DPP6: variants seen among roughly 807,000 people sequenced by gnomAD.
DPP6 encodes the protein A-type potassium channel modulatory protein DPP6.
Under a neutral mutation model 122.6 loss-of-function variants are expected in DPP6, and 69 were observed. That is an observed-to-expected ratio of 0.56 (90% CI 0.46 to 0.69). The LOEUF (loss-of-function observed/expected upper bound fraction) is 0.69. Among genes scored for constraint, DPP6 ranks in the 30% least tolerant of loss-of-function variants. The pLI, the probability that DPP6 is intolerant of heterozygous loss-of-function variation, is 0.00. For missense variants in DPP6, 928 were observed against 1,116.9 expected (o/e 0.83, Z 2.41); for synonymous variants, 418 against 433.1 (o/e 0.97, Z 0.43).
At chr7:154,011,772 G>T (rs1798166741) in intron 1 of DPP6, among the ~76,000 whole-genome samples, 1 of 152,168 alleles carries the variant, frequency 6.6e-6, no homozygotes, top group African/African-American at 2.4e-5. Context: ...GTATTCTTGA[G>T]ATGAATAACA....
intron 1 of DPP6, among the ~76,000 whole-genome samples, chr7:153,986,065 C>A (rs1011389285): frequency 1.3e-5 from 2 of 151,962 alleles, no homozygotes; most frequent in African/African-American, 2.4e-5. Flanking sequence ...CGTTCAGGGT[C>A]GTATGGCTGT....
intron 1 of DPP6, among the ~76,000 whole-genome samples, chr7:154,324,809 G>C (rs1269006025): frequency 6.6e-6 from 1 of 151,854 alleles, no homozygotes; most frequent in Non-Finnish European, 1.5e-5. Flanking sequence ...CAAACTCTTA[G>C]GATGGGATTT....
chr7:154,060,232 A>G (rs1403251818), intron 1 of DPP6, among the ~76,000 whole-genome samples: 15 of 124,880 alleles, frequency 1.2e-4, no homozygotes, highest in African/African-American at 4.2e-4. Context: ...CTTTGCTCTT[A>G]GGATCCCCAT....
chr7:154,096,440 A>T (rs2150560873), intron 1 of DPP6, among the ~76,000 whole-genome samples: 1 of 134,096 alleles, frequency 7.5e-6, no homozygotes, highest in East Asian at 2.2e-4. Context: ...GTATTTATAT[A>T]AGAATGATTA....
At chr7:154,725,318 C>A (rs927972725) in intron 7 of DPP6, among the ~76,000 whole-genome samples, 2 of 152,292 alleles carry the variant, frequency 1.3e-5, no homozygotes, top group East Asian at 1.9e-4. Context: ...CTCTAAAGAA[C>A]TACCCAAGAC....
intron 3 of DPP6, among the ~76,000 whole-genome samples, chr7:154,512,319 A>C (rs2129818348): frequency 1.3e-5 from 2 of 152,308 alleles, no homozygotes; most frequent in Middle Eastern, 6.8e-3. Context: ...AAGTGCCCCC[A>C]TGTGCTTCTA....
chr7:154,686,340 T>C (rs1394719967), intron 7 of DPP6, among the ~76,000 whole-genome samples: 1 of 152,114 alleles, frequency 6.6e-6, no homozygotes, highest in African/African-American at 2.4e-5. Context: ...TGAACACCTC[T>C]TAAATGCACT....
chr7:154,807,984 A>C (rs1798805563), intron 16 of DPP6, among the ~76,000 whole-genome samples: 1 of 152,258 alleles, frequency 6.6e-6, no homozygotes, highest in Admixed American at 6.5e-5. Context: ...ATGGGATACA[A>C]AGGATATTTT....
chr7:154,077,822 C>T (rs1217396049), intron 1 of DPP6, among the ~76,000 whole-genome samples: 10 of 151,876 alleles, frequency 6.6e-5, no homozygotes, highest in African/African-American at 2.4e-4. Flanking sequence ...AGGCACGCAT[C>T]ACCATGCCCA....
At chr7:153,977,389 G>A (rs1275715180) in intron 1 of DPP6, among the ~76,000 whole-genome samples, 3 of 152,320 alleles carry the variant, frequency 2.0e-5, no homozygotes, top group South Asian at 2.1e-4. Context: ...AGCGGCCTTT[G>A]CCACAATCAG....
At chr7:153,884,987 A>AATACATATATATATAT (rs1209555021), upstream of DPP6, among the ~76,000 whole-genome samples, 1,852 of 116,218 alleles carry the variant, frequency 0.016, 71 homozygotes, top group African/African-American at 0.033. Flanking sequence ...TCAAAACAAA[A>AATACATATATATATAT]ATATATATAT....
At chr7:154,670,982 G>A (rs1838517038) in intron 7 of DPP6, among the ~76,000 whole-genome samples, 1 of 152,202 alleles carries the variant, frequency 6.6e-6, no homozygotes, top group Non-Finnish European at 1.5e-5. Context: ...CAGGGTGACA[G>A]GAGGAAGTGA....
rs1455222560 is a variant in DPP6, at chr7:154,794,060, C to G, written c.1137-19C>G. The G allele has an allele frequency of 1.9e-6, 3 of 1,610,388 alleles. No homozygotes were observed. The South Asian group carries it at 3.3e-5, about 18-fold the overall frequency. The stretch of plus-strand genomic sequence containing the variant: ...CGGGGGTCCTGCCAAGCTGCTCATG[C>G]TGTGTTTGGCGTTTCCAGGGAGTAC... On this transcript the variant is annotated intron_variant, in intron 10 of 25. Transcript: ENST00000377770.
chr7:154,442,958 T>C (rs180716996), intron 1 of DPP6, among the ~76,000 whole-genome samples: 129 of 152,254 alleles, frequency 8.5e-4, no homozygotes, highest in South Asian at 6.2e-4. Flanking sequence ...GTGGGAGCCT[T>C]ATTTACACAC....
intron 16 of DPP6, among the ~76,000 whole-genome samples, chr7:154,834,616 G>C (rs1283556213): frequency 6.6e-6 from 1 of 152,226 alleles, no homozygotes; most frequent in Non-Finnish European, 1.5e-5. Flanking sequence ...TCACATGTGA[G>C]AAGAGGGAGA....
rs373644003 is a variant in DPP6 at position 154,508,597 on chromosome 7, T to A, written c.458-31935T>A. ...AGAGAGCAGGGGAAATGTAGCCTAG[T>A]TGAGTGCCTAGGAGGAAAAAGACCA... On this transcript the variant is annotated intron_variant, in intron 3 of 25. Coordinates refer to ENST00000377770, the MANE Select transcript of DPP6 (RefSeq NM_130797.4). Among the ~76,000 whole-genome samples, 44 of 152,298 alleles carry A rather than the reference T, an allele frequency of 2.9e-4. No homozygotes were observed. The South Asian group carries it at 8.7e-3, about 30-fold the overall frequency.
chr7:154,391,975 A>G (rs1014522212), intron 1 of DPP6, among the ~76,000 whole-genome samples: 5 of 152,208 alleles, frequency 3.3e-5, no homozygotes, highest in Non-Finnish European at 5.9e-5. Context: ...ATTCCATGTC[A>G]GAAAATGTGC....
chr7:154,058,496 C>T (rs1299109070), intron 1 of DPP6: 1 of 141,426 alleles, frequency 7.1e-6, no homozygotes. Context: ...AGGCACCCTC[C>T]GCGAGGCAGG....
chr7:153,995,329 G>T (rs1797371858), intron 1 of DPP6, among the ~76,000 whole-genome samples: 1 of 152,194 alleles, frequency 6.6e-6, no homozygotes, highest in African/African-American at 2.4e-5. Context: ...GCTTATGCCT[G>T]TAATCCCAGC....
Sources: gnomAD v4.1 joint callset for allele counts (sites outside exome capture counted in the v4.1 genomes callset) on GRCh38, gnomAD v4.1.1 for gene constraint, MANE v1.5 for transcripts, NCBI Gene and HGNC (gene_info 2026-07-23, HGNC 2026-07-21) for gene names.